Variants in ENOX1 observed in about 807,000 individuals in gnomAD.
ENOX1 encodes the protein ecto-NOX disulfide-thiol exchanger 1.
A neutral mutation model predicts 82.5 loss-of-function variants in ENOX1; 42 were observed. That is an observed-to-expected ratio of 0.51 (90% CI 0.40 to 0.66). ENOX1 has a LOEUF of 0.66. Among genes scored for constraint, ENOX1 ranks in the 30% least tolerant of loss-of-function variants. The probability of loss-of-function intolerance (pLI) is 0.00; values close to 1 mark genes in which losing one functional copy is unlikely to be tolerated. For missense variants in ENOX1, 608 were observed against 811.6 expected, an observed-to-expected ratio of 0.75 and a Z score of 3.05; for synonymous variants, 271 against 282.2, an observed-to-expected ratio of 0.96 and a Z score of 0.40.
At chr13:43,656,179 T>A (rs35247946) in intron 2 of ENOX1, among the ~76,000 whole-genome samples, 12,072 of 152,222 alleles carry the variant, frequency 0.079, 629 homozygotes, top group East Asian at 0.27. Context: ...TAGTTATGGA[T>A]ATATTTTTAG....
intron 1 of ENOX1, among the ~76,000 whole-genome samples, chr13:43,700,735 G>A (rs1032315659): frequency 6.6e-6 from 1 of 152,064 alleles, no homozygotes; most frequent in Admixed American, 6.6e-5. Flanking sequence ...CATGATAGTT[G>A]TATCATGTTA....
intron 3 of ENOX1, among the ~76,000 whole-genome samples, chr13:43,415,750 G>A (rs1368220511): frequency 6.6e-6 from 1 of 152,026 alleles, no homozygotes; most frequent in Non-Finnish European, 1.5e-5. Flanking sequence ...CATTCTCGAT[G>A]GTCGCTATCT....
intron 2 of ENOX1, among the ~76,000 whole-genome samples, chr13:43,507,378 T>C (rs1179049618): frequency 6.6e-6 from 1 of 151,988 alleles, no homozygotes; most frequent in Non-Finnish European, 1.5e-5. Flanking sequence ...AGATATGTTT[T>C]TGTAAGAGTT....
At chr13:43,330,411 T>G (rs1352152238) in intron 9 of ENOX1, among the ~76,000 whole-genome samples, 1 of 152,246 alleles carries the variant, frequency 6.6e-6, no homozygotes, top group South Asian at 2.1e-4. Flanking sequence ...TCTGTTTGAT[T>G]GCCACTTACT....
chr13:43,521,189 G>GA (rs2077754018), intron 2 of ENOX1, among the ~76,000 whole-genome samples: 1 of 151,876 alleles, frequency 6.6e-6, no homozygotes, highest in Non-Finnish European at 1.5e-5. Context: ...CTAGAAACAG[G>GA]TTTTTTTCTA....
At chr13:43,453,204 C>T (rs1171090519) in intron 3 of ENOX1, among the ~76,000 whole-genome samples, 5 of 152,182 alleles carry the variant, frequency 3.3e-5, no homozygotes, top group Non-Finnish European at 7.3e-5. Flanking sequence ...ACCTAACTGA[C>T]ATCCTTCCCA....
chr13:43,534,199 G>A (rs1003487829), intron 2 of ENOX1, among the ~76,000 whole-genome samples: 1 of 152,106 alleles, frequency 6.6e-6, no homozygotes, highest in African/African-American at 2.4e-5. Flanking sequence ...ACATAGTGGA[G>A]TAAGTAGCAA....
At chr13:43,764,662 CACAT>C (rs1566897903) in intron 1 of ENOX1, among the ~76,000 whole-genome samples, 1 of 151,910 alleles carries the variant, frequency 6.6e-6, no homozygotes, top group African/African-American at 2.4e-5. Context: ...TTCTTTACAC[CACAT>C]ACAGTGTACA....
chr13:43,371,464 G>A (rs1427450901), intron 5 of ENOX1, among the ~76,000 whole-genome samples: 4 of 152,112 alleles, frequency 2.6e-5, no homozygotes, highest in Non-Finnish European at 5.9e-5. Flanking sequence ...TAGATATAAA[G>A]CCCACTATAG....
At chr13:43,219,607 A>G (rs2041678022) in intron 16 of ENOX1, among the ~76,000 whole-genome samples, 1 of 152,258 alleles carries the variant, frequency 6.6e-6, no homozygotes. Context: ...GAAAGCAAAC[A>G]TCAGAAGGAA....
At position 43,285,232 on chromosome 13, in the gene ENOX1, G is replaced by A. The variant is rs775492912; in HGVS notation, c.1446+13114C>T. Among the ~76,000 whole-genome samples the A allele has an allele frequency of 2.6e-5, 4 of 152,232 alleles. No homozygotes were observed. In the Middle Eastern group the frequency reaches 0.01, roughly 391 times the overall value. On this transcript the variant is annotated intron_variant, in intron 12 of 16. Transcript: ENST00000690772. Reference sequence around the variant, plus strand: ...ATTCCACACTTTGGTTACAATTCCAGACACTTTAACTGACTAAGTTTGGCT... The same window carrying A: ...ATTCCACACTTTGGTTACAATTCCAAACACTTTAACTGACTAAGTTTGGCT...
chr13:43,221,394 A>C (rs1180347694), intron 16 of ENOX1, among the ~76,000 whole-genome samples: 1 of 152,204 alleles, frequency 6.6e-6, no homozygotes, highest in Non-Finnish European at 1.5e-5. Flanking sequence ...TGGGGCTGAC[A>C]TGGGAGATTC....
At chr13:43,639,977 T>C (rs1444828146) in intron 2 of ENOX1, among the ~76,000 whole-genome samples, 1 of 152,118 alleles carries the variant, frequency 6.6e-6, no homozygotes, top group Non-Finnish European at 1.5e-5. Flanking sequence ...TGCAATGAGC[T>C]GAGATCGCAT....
intron 2 of ENOX1, among the ~76,000 whole-genome samples, chr13:43,593,493 G>A (rs61961665): frequency 0.78 from 98,111 of 125,214 alleles, 35,706 homozygotes; most frequent in Non-Finnish European, 0.86. Flanking sequence ...ACAAAACAAA[G>A]AAGCCCTTCG....
rs557563957 is a variant in ENOX1, at chr13:43,539,835, T to C, written c.-218-55683A>G. 3.3e-5 allele frequency among the ~76,000 whole-genome samples: 5 copies of C among 152,304 alleles called. No homozygotes were observed. In the East Asian group the frequency reaches 9.6e-4, roughly 29 times the overall value. ...CAATCTTTGATCTAAATAGTTTATA[T>C]TATTAACTAAAACTTTGAGATTATT... On this transcript the variant is annotated intron_variant, in intron 2 of 16. Coordinates refer to ENST00000690772, the MANE Select transcript of ENOX1 (RefSeq NM_001347969.2).
intron 1 of ENOX1, among the ~76,000 whole-genome samples, chr13:43,677,411 A>C (rs758061933): frequency 6.6e-6 from 1 of 152,190 alleles, no homozygotes; most frequent in Non-Finnish European, 1.5e-5. Flanking sequence ...GACATCGTAC[A>C]GGTGGCTCTG....
intron 1 of ENOX1, among the ~76,000 whole-genome samples, chr13:43,710,513 A>C (rs933646544): frequency 1.3e-5 from 2 of 152,166 alleles, no homozygotes; most frequent in African/African-American, 4.8e-5. Flanking sequence ...TAATTGAAAA[A>C]CTTTAGACAC....
At chr13:43,279,846 C>T (rs926834618) in intron 12 of ENOX1, among the ~76,000 whole-genome samples, 2 of 152,218 alleles carry the variant, frequency 1.3e-5, no homozygotes, top group African/African-American at 2.4e-5. Flanking sequence ...CCAGCCTAGC[C>T]ATGCTGGGTG....
intron 2 of ENOX1, among the ~76,000 whole-genome samples, chr13:43,645,286 T>A (rs2083842121): frequency 6.6e-6 from 1 of 152,120 alleles, no homozygotes; most frequent in Admixed American, 6.5e-5. Flanking sequence ...AAACTCCTTC[T>A]GAGTAGCTAG....
Sources: gnomAD v4.1 joint callset for allele counts (sites outside exome capture counted in the v4.1 genomes callset) on GRCh38, gnomAD v4.1.1 for gene constraint, MANE v1.5 for transcripts, NCBI Gene and HGNC (gene_info 2026-07-23, HGNC 2026-07-21) for gene names.